The following KCNJ3 variants were observed in gnomAD, a reference collection of about 807,000 sequenced individuals.
The protein encoded by KCNJ3 is potassium inwardly rectifying channel subfamily J member 3.
KCNJ3 carries 4 observed loss-of-function variants against 39.2 expected under a neutral mutation model. The observed-to-expected ratio is 0.10, with a 90% CI of 0.05 to 0.23. The LOEUF (loss-of-function observed/expected upper bound fraction) is 0.23, where lower values mean the gene tolerates loss of function less well. Among genes scored for constraint, KCNJ3 ranks in the 10% least tolerant of loss-of-function variants. KCNJ3 has a pLI of 1.00. For synonymous variants in KCNJ3, 230 were observed against 237.4 expected (o/e 0.97, Z 0.29); for missense variants, 276 against 634.9 (o/e 0.43, Z 6.08).
Position 154,699,553 on chromosome 2 carries a change from G to A in KCNJ3, c.702+76G>A, listed in dbSNP as rs1684849775. The A allele has an allele frequency of 6.7e-7, 1 of 1,482,712 alleles. No individual in the cohort carries two copies. Among genetic ancestry groups the A allele is most frequent in the Non-Finnish European group, 8.9e-7 (1 of 1,118,238 alleles). 91.8% of individuals were successfully genotyped at this position (1,482,712 alleles called of 1,614,324 possible). ...CGCGGAGTAACTCGTCTGAGAACCA[G>A]CCCGGGCCCCCTCCCCTGGTTCTAC... is the stretch of plus-strand genomic sequence containing the variant. On this transcript the variant is annotated intron_variant, in intron 1 of 2. Coordinates refer to ENST00000295101, the MANE Select transcript of KCNJ3 (RefSeq NM_002239.4). This position sits in a 1 kb window ranked among gnomAD's most constrained non-coding sequence, Gnocchi z 6.4.
intron 2 of KCNJ3, among the ~76,000 whole-genome samples, chr2:154,778,395 A>G (rs1445656): frequency 0.87 from 132,265 of 152,222 alleles, 57,618 homozygotes; most frequent in East Asian, 1. Context: ...AGATCAAATT[A>G]TCCCTTGAAA....
intron 1 of KCNJ3, among the ~76,000 whole-genome samples, chr2:154,701,612 A>G (rs1684897822): frequency 6.6e-6 from 1 of 152,112 alleles, no homozygotes; most frequent in Non-Finnish European, 1.5e-5. Flanking sequence ...AGTTAAAAAG[A>G]TGAAAGATGT....
intron 2 of KCNJ3, among the ~76,000 whole-genome samples, chr2:154,748,844 G>A (rs2105180067): frequency 6.6e-6 from 1 of 152,168 alleles, no homozygotes; most frequent in African/African-American, 2.4e-5. Flanking sequence ...TCAGACATTT[G>A]GTAAATGTAC....
intron 1 of KCNJ3, among the ~76,000 whole-genome samples, chr2:154,707,308 A>G (rs1300015897): frequency 6.6e-6 from 1 of 152,044 alleles, no homozygotes; most frequent in African/African-American, 2.4e-5. Context: ...AATATTTAAA[A>G]TCAGAAGGTA....
At chr2:154,776,717 A>G (rs1686341864) in intron 2 of KCNJ3, among the ~76,000 whole-genome samples, 1 of 152,182 alleles carries the variant, frequency 6.6e-6, no homozygotes, top group African/African-American at 2.4e-5. Context: ...AAGAAAAGAT[A>G]CGTAACTGCA....
chr2:154,749,660 T>C (rs1335300645), intron 2 of KCNJ3, among the ~76,000 whole-genome samples: 2 of 152,094 alleles, frequency 1.3e-5, no homozygotes, highest in Non-Finnish European at 2.9e-5. Context: ...CAAAGTAACA[T>C]AAATTTCCTC....
intron 2 of KCNJ3, among the ~76,000 whole-genome samples, chr2:154,746,128 T>G (rs143777203): frequency 6.6e-6 from 1 of 152,182 alleles, no homozygotes; most frequent in African/African-American, 2.4e-5. Context: ...GAATAGTAAA[T>G]AGATTTTCTC....
rs145896393 is a variant in KCNJ3, at chr2:154,781,039, G to A, written c.919+71220G>A. Among the ~76,000 whole-genome samples the A allele has an allele frequency of 2.3e-3, 356 of 152,238 alleles. 1 individual carries two copies. The highest frequency in any genetic ancestry group is 8.0e-3 in the African/African-American group (334 of 41,538). Reference sequence around the variant, plus strand: ...TCGCAGTTGGTCCTTAAATGAGGACGAGAAAGGCAAGAGAGTCAGCTTCAG... The same window carrying A: ...TCGCAGTTGGTCCTTAAATGAGGACAAGAAAGGCAAGAGAGTCAGCTTCAG... On this transcript the variant is annotated intron_variant, in intron 2 of 2. Transcript: ENST00000295101.
chr2:154,749,975 T>C (rs142432856), intron 2 of KCNJ3, among the ~76,000 whole-genome samples: 8 of 152,128 alleles, frequency 5.3e-5, no homozygotes, highest in African/African-American at 1.7e-4. Context: ...TGCTTATTAA[T>C]TTACCTTTGT....
chr2:154,840,380 T>G (rs1210039337), intron 2 of KCNJ3, among the ~76,000 whole-genome samples: 1 of 152,206 alleles, frequency 6.6e-6, no homozygotes, highest in African/African-American at 2.4e-5. Context: ...GCATGATGCC[T>G]CCAGCTTTGT....
At chr2:154,830,524 A>ACTT (rs1353755791) in intron 2 of KCNJ3, among the ~76,000 whole-genome samples, 4 of 152,164 alleles carry the variant, frequency 2.6e-5, no homozygotes, top group African/African-American at 9.6e-5. Flanking sequence ...TGTGTTTCAA[A>ACTT]CTTAATGTAT....
rs146558932 is a variant in KCNJ3, at chr2:154,814,145, A to G, written c.920-40582A>G. 7.9e-5 allele frequency among the ~76,000 whole-genome samples: 12 copies of G among 152,262 alleles called. No homozygotes were observed. The East Asian group carries it at 2.3e-3, about 29-fold the overall frequency. ...GCTTAACATACATTTTTAAAGGTTT[A>G]ATTTTCTTTTTAAAACTAAATTTAG... On this transcript the variant is annotated intron_variant, in intron 2 of 2. Coordinates refer to ENST00000295101, the MANE Select transcript of KCNJ3 (RefSeq NM_002239.4).
intron 2 of KCNJ3, among the ~76,000 whole-genome samples, chr2:154,841,567 T>C (rs566231868): frequency 3.3e-5 from 5 of 152,274 alleles, no homozygotes; most frequent in Admixed American, 1.3e-4. Context: ...GGTCCTGGAC[T>C]TTTTTTGGTT....
At chr2:154,747,771 T>C (rs948903383) in intron 2 of KCNJ3, among the ~76,000 whole-genome samples, 4 of 152,084 alleles carry the variant, frequency 2.6e-5, no homozygotes, top group African/African-American at 9.7e-5. Context: ...CTAAAACTTA[T>C]AGAAACCCAG....
intron 2 of KCNJ3, among the ~76,000 whole-genome samples, chr2:154,761,972 T>TA (rs910544186): frequency 2.8e-4 from 42 of 151,610 alleles, no homozygotes; most frequent in African/African-American, 8.5e-4. Flanking sequence ...AGAGTCCTTA[T>TA]AAAAAAAAAG....
In KCNJ3 at chr2:154,855,873, A is replaced by C. The variant is rs1271744639; in HGVS notation, c.*560A>C. On this transcript the variant is annotated 3_prime_UTR_variant, in exon 3 of 3. Transcript: ENST00000295101. ...TTCTTGTGCATGTTTACTTTATTAG[A>C]GTAGGAAGGCTACTGGCATTAATTA... The C allele has an allele frequency of 2.6e-5, 4 of 152,422 alleles. No individual in the cohort carries two copies. Among genetic ancestry groups the C allele is most frequent in the Non-Finnish European group, 5.9e-5 (4 of 67,964 alleles). 9.4% of individuals were successfully genotyped at this position (152,422 alleles called of 1,614,324 possible).
intron 2 of KCNJ3, among the ~76,000 whole-genome samples, chr2:154,726,796 TACACACACACACAC>T (rs58366846): frequency 6.9e-5 from 8 of 115,376 alleles, no homozygotes; most frequent in South Asian, 2.9e-4. Flanking sequence ...TTTATATACA[TACACACACACACAC>T]ACACACACAC....
intron 2 of KCNJ3, among the ~76,000 whole-genome samples, chr2:154,725,848 A>G (rs1302717621): frequency 3.9e-5 from 6 of 152,122 alleles, no homozygotes; most frequent in African/African-American, 1.2e-4. Context: ...AAAACAAAAC[A>G]TAAATTGGGG....
At chr2:154,709,901 G>A in intron 2 of KCNJ3, 82 bp downstream of exon 2, 1 of 1,475,596 alleles carries the variant, frequency 6.8e-7, no homozygotes. Context: ...TCATGAATTG[G>A]GCGAAATGAC....
Sources: gnomAD v4.1 joint callset for allele counts (sites outside exome capture counted in the v4.1 genomes callset) on GRCh38, gnomAD v4.1.1 for gene constraint, Gnocchi (gnomAD v3.1) non-coding constraint, MANE v1.5 for transcripts, NCBI Gene and HGNC (gene_info 2026-07-23, HGNC 2026-07-21) for gene names.